The following NDUFAF2 variants were observed in gnomAD, a reference collection of about 807,000 sequenced individuals.
The protein encoded by NDUFAF2 is NADH:ubiquinone oxidoreductase complex assembly factor 2.
In NDUFAF2, 13 loss-of-function variants were observed where a neutral mutation model predicts 22.8. The observed-to-expected ratio is 0.57, with a 90% CI of 0.37 to 0.91. The LOEUF is 0.91. Among genes scored for constraint, NDUFAF2 ranks in the 40% least tolerant of loss-of-function variants. The probability of loss-of-function intolerance (pLI) is 0.01; values close to 1 mark genes in which losing one functional copy is unlikely to be tolerated. For missense variants in NDUFAF2, 162 were observed against 195.2 expected (o/e 0.83, Z 1.01); for synonymous variants, 53 against 64.2 (o/e 0.83, Z 0.84).
At chr5:60,969,141 C>T (rs1171947732) in intron 1 of NDUFAF2, among the ~76,000 whole-genome samples, 1 of 152,030 alleles carries the variant, frequency 6.6e-6, no homozygotes, top group African/African-American at 2.4e-5. Flanking sequence ...GCTTCCAAAT[C>T]TTCATTATTG....
intron 1 of NDUFAF2, among the ~76,000 whole-genome samples, chr5:61,023,446 G>T (rs900615155): frequency 2.0e-5 from 3 of 151,886 alleles, no homozygotes; most frequent in Non-Finnish European, 4.4e-5. Context: ...CTTTCTCCTC[G>T]TGATGGTTTC....
intron 1 of NDUFAF2, among the ~76,000 whole-genome samples, chr5:60,963,711 A>G (rs1490023946): frequency 6.6e-6 from 1 of 152,238 alleles, no homozygotes; most frequent in African/African-American, 2.4e-5. Flanking sequence ...ATTGAAGCTG[A>G]AGGAATCAGA....
intron 3 of NDUFAF2, among the ~76,000 whole-genome samples, chr5:61,100,860 C>T (rs1752697225): frequency 6.6e-6 from 1 of 152,100 alleles, no homozygotes; most frequent in South Asian, 2.1e-4. Flanking sequence ...TTTCTCTGTA[C>T]CTGACCATCA....
At chr5:61,029,450 T>A (rs183722036) in intron 1 of NDUFAF2, among the ~76,000 whole-genome samples, 81 of 152,298 alleles carry the variant, frequency 5.3e-4, no homozygotes, top group African/African-American at 1.9e-3. Context: ...TGACACTATT[T>A]CCATTTGGGG....
intron 2 of NDUFAF2, among the ~76,000 whole-genome samples, chr5:61,098,106 A>G (rs930695742): frequency 3.3e-5 from 5 of 152,212 alleles, no homozygotes; most frequent in Admixed American, 1.3e-4. Flanking sequence ...TAATTATACT[A>G]ATAACTTAGA....
intron 3 of NDUFAF2, among the ~76,000 whole-genome samples, chr5:61,121,343 T>C (rs1752973795): frequency 6.6e-6 from 1 of 152,204 alleles, no homozygotes; most frequent in African/African-American, 2.4e-5. Context: ...TAGATGTATC[T>C]AGAGCAGAGT....
At chr5:61,137,408 A>G (rs75647839) in intron 3 of NDUFAF2, among the ~76,000 whole-genome samples, 2 of 152,358 alleles carry the variant, frequency 1.3e-5, no homozygotes, top group South Asian at 2.1e-4. Flanking sequence ...GTCAAGCCAT[A>G]TAAACAAATA....
intron 1 of NDUFAF2, among the ~76,000 whole-genome samples, chr5:60,948,429 G>A (rs949378845): frequency 3.3e-5 from 5 of 152,098 alleles, no homozygotes; most frequent in African/African-American, 1.2e-4. Context: ...GGTTAGGCTG[G>A]TCTTGAACTC....
chr5:61,056,323 T>C (rs1752088898), intron 1 of NDUFAF2, among the ~76,000 whole-genome samples: 1 of 152,200 alleles, frequency 6.6e-6, no homozygotes, highest in Non-Finnish European at 1.5e-5. Flanking sequence ...GTAGTGTTTA[T>C]CTTTTTGAGC....
intron 1 of NDUFAF2, among the ~76,000 whole-genome samples, chr5:61,049,600 A>G (rs757719343): frequency 2.0e-5 from 3 of 152,086 alleles, no homozygotes; most frequent in Non-Finnish European, 2.9e-5. Context: ...ACAAGTCTTC[A>G]TTCTTCTTCT....
At chr5:60,962,754 A>C in intron 1 of NDUFAF2, among the ~76,000 whole-genome samples, 1 of 150,578 alleles carries the variant, frequency 6.6e-6, no homozygotes, top group African/African-American at 2.4e-5. Flanking sequence ...AATTGCTTGA[A>C]CCCGGGAGGC....
chr5:61,096,575 G>T (rs962995173), intron 2 of NDUFAF2, among the ~76,000 whole-genome samples: 1 of 144,608 alleles, frequency 6.9e-6, no homozygotes, highest in African/African-American at 2.6e-5. Flanking sequence ...CTCCAGCCTG[G>T]CAACAGAGTG....
chr5:61,011,333 C>A (rs576451086), intron 1 of NDUFAF2, among the ~76,000 whole-genome samples: 3 of 152,088 alleles, frequency 2.0e-5, no homozygotes, highest in Non-Finnish European at 2.9e-5. Flanking sequence ...CTAGACTCAA[C>A]CAATGAGAAG....
At chr5:60,976,394 TTTCTCAGAC>T (rs1750903433) in intron 1 of NDUFAF2, among the ~76,000 whole-genome samples, 1 of 152,096 alleles carries the variant, frequency 6.6e-6, no homozygotes, top group Admixed American at 6.5e-5. Flanking sequence ...TTTCTTTAAA[TTTCTCAGAC>T]TCTTCTAAGC....
chr5:61,009,127 A>G (rs1751410778), intron 1 of NDUFAF2, among the ~76,000 whole-genome samples: 1 of 152,102 alleles, frequency 6.6e-6, no homozygotes, highest in Admixed American at 6.6e-5. Flanking sequence ...AAATCGAAAG[A>G]CAACATTCTG....
chr5:60,997,771 T>G (rs73095990), intron 1 of NDUFAF2, among the ~76,000 whole-genome samples: 9,683 of 152,266 alleles, frequency 0.064, 1,017 homozygotes, highest in African/African-American at 0.22. Context: ...TTCCCTCCAT[T>G]GTGCTTGGAT....
intron 1 of NDUFAF2, among the ~76,000 whole-genome samples, chr5:60,954,606 A>G (rs1363674869): frequency 1.3e-5 from 2 of 152,190 alleles, no homozygotes. Flanking sequence ...TGAAAATACA[A>G]CTTTTTCCTT....
chr5:61,087,417 G>C (rs542434494), intron 2 of NDUFAF2, among the ~76,000 whole-genome samples: 1 of 152,032 alleles, frequency 6.6e-6, no homozygotes, highest in South Asian at 2.1e-4. Context: ...AGTCATCAAG[G>C]GATACTAATT....
intron 1 of NDUFAF2, among the ~76,000 whole-genome samples, chr5:60,973,621 T>G (rs1228316417): frequency 6.6e-6 from 1 of 152,166 alleles, no homozygotes; most frequent in Non-Finnish European, 1.5e-5. Context: ...ACGTAAGTTA[T>G]GCAGTAGTTT....
Sources: gnomAD v4.1 joint callset for allele counts (sites outside exome capture counted in the v4.1 genomes callset) on GRCh38, gnomAD v4.1.1 for gene constraint, MANE v1.5 for transcripts, NCBI Gene and HGNC (gene_info 2026-07-23, HGNC 2026-07-21) for gene names.